NRG3: variants seen among roughly 807,000 people sequenced by gnomAD.
NRG3 encodes the protein neuregulin 3.
In NRG3, 31 loss-of-function variants were observed where a neutral mutation model predicts 66.9. That is an observed-to-expected ratio of 0.46 (90% CI 0.35 to 0.63). The LOEUF (loss-of-function observed/expected upper bound fraction) is 0.63, where lower values mean the gene tolerates loss of function less well. Ranked by LOEUF, NRG3 falls within the 20% of genes least tolerant of loss-of-function variation. The probability of loss-of-function intolerance (pLI) is 0.00; values close to 1 mark genes in which losing one functional copy is unlikely to be tolerated. For synonymous variants in NRG3, 393 were observed against 359.4 expected, an observed-to-expected ratio of 1.09 and a Z score of -1.06; for missense variants, 910 against 878.9, an observed-to-expected ratio of 1.04 and a Z score of -0.45.
chr10:82,176,906 A>ACACAAAC (rs1251109253), intron 1 of NRG3, among the ~76,000 whole-genome samples: 1 of 51,544 alleles, frequency 1.9e-5, no homozygotes, highest in East Asian at 4.3e-4. Context: ...CACACACACA[A>ACACAAAC]ACACACACAC....
intron 1 of NRG3, among the ~76,000 whole-genome samples, chr10:82,122,878 C>T (rs80080913): frequency 0.017 from 2,608 of 151,956 alleles, 83 homozygotes; most frequent in African/African-American, 0.059. Flanking sequence ...ACATGATGTC[C>T]GCTGTCATTA....
At chr10:82,347,302 T>C (rs1318447600) in intron 1 of NRG3, among the ~76,000 whole-genome samples, 1 of 151,380 alleles carries the variant, frequency 6.6e-6, no homozygotes, top group East Asian at 1.9e-4. Flanking sequence ...ACATCTTTAT[T>C]TCTGCCTTCA....
chr10:82,822,352 A>G (rs987112555), intron 3 of NRG3, among the ~76,000 whole-genome samples: 3 of 152,060 alleles, frequency 2.0e-5, no homozygotes, highest in Non-Finnish European at 4.4e-5. Context: ...TCCTGGGCTC[A>G]GGAGAAGGGA....
At chr10:82,924,979 G>A (rs1049761768) in intron 4 of NRG3, among the ~76,000 whole-genome samples, 9 of 152,160 alleles carry the variant, frequency 5.9e-5, no homozygotes, top group Non-Finnish European at 1.0e-4. Context: ...ACTTTTTGGA[G>A]TGATTACTCA....
intron 1 of NRG3, among the ~76,000 whole-genome samples, chr10:82,047,723 A>G (rs1425443131): frequency 1.3e-5 from 2 of 151,698 alleles, no homozygotes; most frequent in Non-Finnish European, 2.9e-5. Context: ...TAACATCATA[A>G]TGACAGGTTC....
chr10:82,927,593 G>A (rs187711895), intron 4 of NRG3, among the ~76,000 whole-genome samples: 471 of 152,216 alleles, frequency 3.1e-3, no homozygotes, highest in African/African-American at 0.011. Context: ...AGCATGTGCT[G>A]TTTGGTTTTC....
At chr10:82,305,525 T>A (rs2080674937) in intron 1 of NRG3, among the ~76,000 whole-genome samples, 1 of 152,166 alleles carries the variant, frequency 6.6e-6, no homozygotes. Context: ...GGTTTCCTTT[T>A]CAATAAAATA....
chr10:82,297,270 CA>C (rs945106878), intron 1 of NRG3, among the ~76,000 whole-genome samples: 12 of 106,816 alleles, frequency 1.1e-4, no homozygotes, highest in Admixed American at 1.7e-4. Context: ...TTTGATAAAA[CA>C]TTTTTTTTTT....
chr10:82,837,373 T>G (rs2062834119), intron 3 of NRG3, among the ~76,000 whole-genome samples: 1 of 152,132 alleles, frequency 6.6e-6, no homozygotes. Flanking sequence ...TTTCTTAGCC[T>G]CTTACCCATT....
chr10:82,179,718 C>T (rs945212041), intron 1 of NRG3, among the ~76,000 whole-genome samples: 1 of 151,750 alleles, frequency 6.6e-6, no homozygotes, highest in African/African-American at 2.4e-5. Flanking sequence ...AGTGTTTTAA[C>T]TATTTGGGGT....
intron 2 of NRG3, among the ~76,000 whole-genome samples, chr10:82,666,502 C>T (rs2052795455): frequency 6.6e-6 from 1 of 152,202 alleles, no homozygotes; most frequent in African/African-American, 2.4e-5. Flanking sequence ...TGACACTACT[C>T]TTTCCCTTAT....
At chr10:82,170,685 T>TAG (rs1156742983) in intron 1 of NRG3, among the ~76,000 whole-genome samples, 1 of 139,502 alleles carries the variant, frequency 7.2e-6, no homozygotes, top group East Asian at 2.1e-4. Context: ...TATATATATA[T>TAG]ATATATATAT....
intron 1 of NRG3, among the ~76,000 whole-genome samples, chr10:82,003,274 A>G (rs76023716): frequency 1.4e-3 from 210 of 152,288 alleles, no homozygotes; most frequent in Non-Finnish European, 2.2e-3. Flanking sequence ...TTTAAGATAC[A>G]CAATTGGAGA....
At chr10:82,513,163 G>A (rs561754457) in intron 2 of NRG3, among the ~76,000 whole-genome samples, 2 of 152,234 alleles carry the variant, frequency 1.3e-5, no homozygotes, top group Admixed American at 6.5e-5. Context: ...ATGTCCATAT[G>A]TTCTCATTGT....
intron 4 of NRG3, among the ~76,000 whole-genome samples, chr10:82,918,883 C>T (rs891168645): frequency 6.6e-6 from 1 of 152,158 alleles, no homozygotes; most frequent in Non-Finnish European, 1.5e-5. Flanking sequence ...AATGCTTATG[C>T]TAAAATGTAT....
chr10:82,348,499 C>CT (rs1408625564), intron 1 of NRG3, among the ~76,000 whole-genome samples: 1 of 150,570 alleles, frequency 6.6e-6, no homozygotes, highest in African/African-American at 2.5e-5. Flanking sequence ...CTGCTCTTAA[C>CT]ATTTTTTCCT....
At chr10:81,963,358 C>CT (rs2059602651) in intron 1 of NRG3, among the ~76,000 whole-genome samples, 1 of 150,454 alleles carries the variant, frequency 6.6e-6, no homozygotes. Flanking sequence ...TGGTCTCGAT[C>CT]TCCTGACCTC....
chr10:81,906,659 A>G (rs1844633019), intron 1 of NRG3, among the ~76,000 whole-genome samples: 1 of 152,156 alleles, frequency 6.6e-6, no homozygotes, highest in Non-Finnish European at 1.5e-5. Context: ...GGGTTACAAT[A>G]AGAACTTTGA....
intron 1 of NRG3, among the ~76,000 whole-genome samples, chr10:82,331,542 T>C (rs961879501): frequency 1.3e-5 from 2 of 152,210 alleles, no homozygotes; most frequent in African/African-American, 4.8e-5. Context: ...TCCTAAATGG[T>C]CTTCTTGAAG....
Sources: gnomAD v4.1 joint callset for allele counts (sites outside exome capture counted in the v4.1 genomes callset) on GRCh38, gnomAD v4.1.1 for gene constraint, MANE v1.5 for transcripts, NCBI Gene and HGNC (gene_info 2026-07-23, HGNC 2026-07-21) for gene names.